AGBL4: variants seen among roughly 807,000 people sequenced by gnomAD.
AGBL4 encodes the protein cytosolic carboxypeptidase 6.
A neutral mutation model predicts 66.4 loss-of-function variants in AGBL4; 58 were observed. The observed-to-expected ratio is 0.87, with a 90% CI of 0.71 to 1.09. The LOEUF is 1.09. AGBL4 is among the 50% of genes least tolerant of loss of function. The pLI is 0.00. For missense variants in AGBL4, 579 were observed against 631.0 expected (o/e 0.92, Z 0.88); for synonymous variants, 234 against 222.9 (o/e 1.05, Z -0.44).
intron 3 of AGBL4, among the ~76,000 whole-genome samples, chr1:49,547,299 G>A (rs1025100382): frequency 6.6e-6 from 1 of 152,118 alleles, no homozygotes; most frequent in Non-Finnish European, 1.5e-5. Flanking sequence ...CTTTGTCAAA[G>A]ATCAGTTGGC....
intron 6 of AGBL4, among the ~76,000 whole-genome samples, chr1:48,852,013 T>C (rs1182685749): frequency 1.6e-5 from 2 of 124,800 alleles, no homozygotes; most frequent in Non-Finnish European, 3.2e-5. Flanking sequence ...GCCAGATACG[T>C]ACTTTTTTTT....
intron 4 of AGBL4, among the ~76,000 whole-genome samples, chr1:49,199,038 C>T (rs1022380024): frequency 2.0e-5 from 3 of 152,202 alleles, no homozygotes; most frequent in Admixed American, 2.0e-4. Flanking sequence ...CTTCTGTGTC[C>T]TTCACTTCAC....
At chr1:49,571,854 A>G (rs1644338167) in intron 3 of AGBL4, among the ~76,000 whole-genome samples, 1 of 152,034 alleles carries the variant, frequency 6.6e-6, no homozygotes, top group South Asian at 2.1e-4. Context: ...AATTCTGTTT[A>G]TTTAATACAT....
At chr1:48,875,756 A>G (rs1048656743) in intron 5 of AGBL4, among the ~76,000 whole-genome samples, 8 of 152,180 alleles carry the variant, frequency 5.3e-5, no homozygotes, top group African/African-American at 1.7e-4. Context: ...AGCAGCTGCC[A>G]TTTGCTGAGC....
chr1:49,832,635 TC>T (rs1425036831), intron 2 of AGBL4, among the ~76,000 whole-genome samples: 1 of 151,534 alleles, frequency 6.6e-6, no homozygotes, highest in Non-Finnish European at 1.5e-5. Flanking sequence ...TGTTCCTATT[TC>T]TCCACATCCT....
intron 7 of AGBL4, 110 bp from the exon 8 acceptor site, chr1:48,653,561 G>T: frequency 1.3e-6 from 1 of 746,450 alleles, no homozygotes; most frequent in Non-Finnish European, 2.3e-6. Flanking sequence ...TTTGGCCTGT[G>T]TTGTTATTGG....
At chr1:48,764,111 C>A (rs1283617086) in intron 6 of AGBL4, among the ~76,000 whole-genome samples, 1 of 152,094 alleles carries the variant, frequency 6.6e-6, no homozygotes, top group East Asian at 1.9e-4. Flanking sequence ...AAAAGAGAAC[C>A]CAAGATCTCA....
At chr1:49,774,807 A>G (rs932798293) in intron 2 of AGBL4, among the ~76,000 whole-genome samples, 1 of 152,204 alleles carries the variant, frequency 6.6e-6, no homozygotes, top group Non-Finnish European at 1.5e-5. Context: ...GTATAAACTG[A>G]TACTCTTTCC....
intron 2 of AGBL4, among the ~76,000 whole-genome samples, chr1:49,731,522 T>C (rs1156294397): frequency 6.6e-6 from 1 of 152,196 alleles, no homozygotes; most frequent in Non-Finnish European, 1.5e-5. Context: ...TTGGGTCAGC[T>C]TCTGTTTTAA....
chr1:48,558,254 A>G (rs1458667221), intron 11 of AGBL4, among the ~76,000 whole-genome samples: 1 of 152,154 alleles, frequency 6.6e-6, no homozygotes, highest in African/African-American at 2.4e-5. Context: ...TGACCTTCAT[A>G]TTTTCTAGCC....
intron 3 of AGBL4, among the ~76,000 whole-genome samples, chr1:49,394,057 A>G (rs953097232): frequency 6.6e-6 from 1 of 152,082 alleles, no homozygotes; most frequent in Admixed American, 6.6e-5. Context: ...TGATTACTCT[A>G]CTGCTGACTG....
intron 2 of AGBL4, among the ~76,000 whole-genome samples, chr1:49,822,620 C>G (rs954131212): frequency 6.6e-6 from 1 of 152,120 alleles, no homozygotes; most frequent in Non-Finnish European, 1.5e-5. Context: ...CTCCAGAAAG[C>G]CTTTCTGTCC....
At chr1:48,992,538 G>T (rs1571179362) in intron 5 of AGBL4, among the ~76,000 whole-genome samples, 1 of 152,094 alleles carries the variant, frequency 6.6e-6, no homozygotes, top group African/African-American at 2.4e-5. Flanking sequence ...AGGCGGCAAG[G>T]CCAGCCAGGC....
rs1464251939 is a variant in AGBL4 at position 50,023,946 on chromosome 1, C to T, written c.-150G>A. On this transcript the variant is annotated 5_prime_UTR_variant, in exon 1 of 14. Transcript: ENST00000371839. ...GGGCGGCAGGCGCGCGGGTGGCCGGCGCGCGGCTGAGGGCGGGAGGGACGC... is the reference window on the plus strand; with the variant it reads ...GGGCGGCAGGCGCGCGGGTGGCCGGTGCGCGGCTGAGGGCGGGAGGGACGC... 2 of 834,322 alleles carry T rather than the reference C, an allele frequency of 2.4e-6. No homozygotes were observed. The highest frequency in any genetic ancestry group is 3.5e-6 in the Non-Finnish European group (2 of 575,164). 51.7% of individuals were successfully genotyped at this position (834,322 alleles called of 1,614,324 possible).
chr1:49,318,651 T>C (rs1451367214), intron 3 of AGBL4, among the ~76,000 whole-genome samples: 4 of 151,924 alleles, frequency 2.6e-5, no homozygotes, highest in African/African-American at 9.7e-5. Context: ...GCTTATAAGA[T>C]AGTGTAAGGT....
intron 3 of AGBL4, among the ~76,000 whole-genome samples, chr1:49,671,367 A>G (rs1355372875): frequency 2.0e-5 from 3 of 152,194 alleles, no homozygotes; most frequent in African/African-American, 7.2e-5. Flanking sequence ...GTAAAACCCC[A>G]AAGTATAAAA....
At chr1:49,031,452 C>T (rs776780778) in intron 5 of AGBL4, among the ~76,000 whole-genome samples, 14 of 151,796 alleles carry the variant, frequency 9.2e-5, no homozygotes, top group African/African-American at 2.4e-4. Flanking sequence ...AAAAAGAGAA[C>T]GTGAAAAGAC....
chr1:49,012,431 T>C (rs1373905501), intron 5 of AGBL4, among the ~76,000 whole-genome samples: 1 of 151,932 alleles, frequency 6.6e-6, no homozygotes, highest in Non-Finnish European at 1.5e-5. Context: ...CTATTAAGAG[T>C]CTCTTATATA....
At chr1:49,095,287 C>T (rs924300619) in intron 4 of AGBL4, among the ~76,000 whole-genome samples, 1 of 152,134 alleles carries the variant, frequency 6.6e-6, no homozygotes, top group African/African-American at 2.4e-5. Flanking sequence ...TCAATGCCAT[C>T]CCCATCAAGC....
Sources: gnomAD v4.1 joint callset for allele counts (sites outside exome capture counted in the v4.1 genomes callset) on GRCh38, gnomAD v4.1.1 for gene constraint, MANE v1.5 for transcripts, NCBI Gene and HGNC (gene_info 2026-07-23, HGNC 2026-07-21) for gene names.